Variants in ANO3 observed in about 807,000 individuals in gnomAD.
ANO3 encodes anoctamin-3.
Under a neutral mutation model 144.8 loss-of-function variants are expected in ANO3, and 99 were observed. The observed-to-expected ratio is 0.68, with a 90% CI of 0.58 to 0.81. ANO3 has a LOEUF of 0.81. Among genes scored for constraint, ANO3 ranks in the 30% least tolerant of loss-of-function variants. The pLI is 0.00. For synonymous variants in ANO3, 414 were observed against 392.6 expected (o/e 1.05, Z -0.64); for missense variants, 905 against 1,202.2 (o/e 0.75, Z 3.66).
chr11:26,425,158 T>C (rs185629389), intron 1 of ANO3, among the ~76,000 whole-genome samples: 58 of 152,132 alleles, frequency 3.8e-4, no homozygotes, highest in Admixed American at 3.2e-3. Flanking sequence ...CAATTCTTCC[T>C]TTCCCCTGTT....
Position 26,627,814 on chromosome 11 carries a change from AGTGTGTGTGT to A in ANO3, c.1873+3348_1873+3357del, listed in dbSNP as rs72002807. 1.3e-3 allele frequency among the ~76,000 whole-genome samples: 170 copies of A among 131,282 alleles called. 1 individual carries two copies. Among genetic ancestry groups the A allele is most frequent in the African/African-American group, 3.8e-3 (132 of 34,976 alleles). The allele number at this position is 131,282 out of a possible 152,430, so 86.1% of individuals were successfully genotyped here. On this transcript the variant is annotated intron_variant, in intron 18 of 26. Transcript: ENST00000256737. The stretch of plus-strand genomic sequence containing the variant: ...TAGTTTGATTAAAATAATAGAATCT[AGTGTGTGTGT>A]GTGTGTGTGTGTGTGTGTGTGTGTG...
At chr11:26,407,062 G>A (rs1311104440) in intron 1 of ANO3, among the ~76,000 whole-genome samples, 21 of 64,208 alleles carry the variant, frequency 3.3e-4, no homozygotes, top group Non-Finnish European at 7.3e-4. Context: ...GTGTGTGTGT[G>A]TGTGTGTGTG....
chr11:26,491,150 T>G lies in ANO3; in HGVS notation c.433-16954T>G, dbSNP rs1461984495. Among the ~76,000 whole-genome samples, 3 of 152,216 alleles carry G rather than the reference T, an allele frequency of 2.0e-5. No individual in the cohort carries two copies. The East Asian group carries it at 5.8e-4, about 29-fold the overall frequency. The stretch of plus-strand genomic sequence containing the variant: ...TATCTATTCTTGTACATTTTTCCCC[T>G]TCCTGTGTCTTACAAGGGTATTATG... On this transcript the variant is annotated intron_variant, in intron 4 of 26. Transcript: ENST00000256737.
intron 1 of ANO3, among the ~76,000 whole-genome samples, chr11:26,237,000 T>G (rs1360592288): frequency 6.6e-6 from 1 of 152,124 alleles, no homozygotes; most frequent in Admixed American, 6.5e-5. Flanking sequence ...TATTGAAGAC[T>G]ATCCTTTAGT....
chr11:26,396,359 A>T (rs1025932089), intron 1 of ANO3, among the ~76,000 whole-genome samples: 1 of 152,160 alleles, frequency 6.6e-6, no homozygotes, highest in East Asian at 1.9e-4. Context: ...AATTACTTCA[A>T]CCATTTACAC....
chr11:26,564,756 T>C (rs868204656), intron 14 of ANO3, among the ~76,000 whole-genome samples: 23 of 89,398 alleles, frequency 2.6e-4, no homozygotes, highest in Non-Finnish European at 4.3e-4. Flanking sequence ...TATATATATA[T>C]ATATATATAT....
intron 4 of ANO3, chr11:26,473,985 A>C: frequency 1.0e-6 from 1 of 985,180 alleles, no homozygotes; most frequent in Non-Finnish European, 1.2e-6. Context: ...AGTATGTAAC[A>C]TTCTAGTTAA....
At chr11:26,318,679 G>C (rs557021883) in intron 1 of ANO3, among the ~76,000 whole-genome samples, 14 of 152,246 alleles carry the variant, frequency 9.2e-5, no homozygotes, top group Admixed American at 7.8e-4. Flanking sequence ...ACATCAACTG[G>C]TCCTTGGAGA....
chr11:26,228,635 G>T (rs975233332), intron 1 of ANO3, among the ~76,000 whole-genome samples: 8 of 152,188 alleles, frequency 5.3e-5, no homozygotes, highest in African/African-American at 1.7e-4. Context: ...CCCAAAGTTA[G>T]CACCACAGAA....
At chr11:26,659,707 TAATAA>T (rs1414383885) in intron 26 of ANO3, among the ~76,000 whole-genome samples, 1 of 152,048 alleles carries the variant, frequency 6.6e-6, no homozygotes, top group African/African-American at 2.4e-5. Context: ...AAAGAAGTAA[TAATAA>T]AATAAAAGTA....
chr11:26,601,913 A>C (rs1232753606), intron 17 of ANO3, among the ~76,000 whole-genome samples: 1 of 152,214 alleles, frequency 6.6e-6, no homozygotes, highest in Non-Finnish European at 1.5e-5. Flanking sequence ...GTAGCTGGTC[A>C]TAGTTCTGCT....
chr11:26,420,349 T>G (rs565878155), intron 1 of ANO3, among the ~76,000 whole-genome samples: 1 of 152,108 alleles, frequency 6.6e-6, no homozygotes, highest in African/African-American at 2.4e-5. Context: ...TGAAGTTATA[T>G]ACCTGTATAT....
At position 26,402,435 on chromosome 11, in the gene ANO3, T is replaced by G. The variant is rs143054520; in HGVS notation, c.47-39483T>G. The stretch of plus-strand genomic sequence containing the variant: ...TATATATGATTGTTAACCCCATGTA[T>G]GTCTGCTTTTGAAAAGTGTCTGTTC... On this transcript the variant is annotated intron_variant, in intron 1 of 26. Coordinates refer to ENST00000256737, the MANE Select transcript of ANO3 (RefSeq NM_031418.4). 4.5e-4 allele frequency among the ~76,000 whole-genome samples: 68 copies of G among 152,200 alleles called. 1 individual carries two copies. The East Asian group carries it at 0.011, about 24-fold the overall frequency.
chr11:26,432,407 T>G (rs1168920707), intron 1 of ANO3, among the ~76,000 whole-genome samples: 1 of 152,186 alleles, frequency 6.6e-6, no homozygotes, highest in Non-Finnish European at 1.5e-5. Flanking sequence ...GAAGTTTAAT[T>G]ACATCCCATT....
rs1037897 is a variant in ANO3, at chr11:26,283,321, A to C, written c.155-26324A>C. On this transcript the variant is annotated intron_variant, in intron 1 of 27. Coordinates refer to the ANO3 transcript ENST00000672621. ...TCTTACCAAAATAAACAAATAAATA[A>C]ATATATATATATATATATATATATA... is the stretch of plus-strand genomic sequence containing the variant. 1.4e-3 allele frequency among the ~76,000 whole-genome samples: 68 copies of C among 49,138 alleles called. 2 individuals are homozygous for C. Among genetic ancestry groups the C allele is most frequent in the African/African-American group, 4.2e-3 (65 of 15,514 alleles). The allele number at this position is 49,138 out of a possible 152,430, so 32.2% of individuals were successfully genotyped here. A position where few individuals can be genotyped will look rare whatever the true frequency, so the allele number is the denominator to read the frequency against.
At chr11:26,413,657 T>C (rs971723265) in intron 1 of ANO3, among the ~76,000 whole-genome samples, 16 of 152,044 alleles carry the variant, frequency 1.1e-4, no homozygotes, top group African/African-American at 3.4e-4. Context: ...TAAACTTTAT[T>C]TATGTAATTC....
At chr11:26,451,709 G>C (rs531808446) in intron 3 of ANO3, among the ~76,000 whole-genome samples, 1 of 152,278 alleles carries the variant, frequency 6.6e-6, no homozygotes, top group African/African-American at 2.4e-5. Flanking sequence ...AAATGTTCCT[G>C]TCTGACAGAT....
chr11:26,323,211 G>C (rs1854802293), intron 1 of ANO3, among the ~76,000 whole-genome samples: 1 of 151,996 alleles, frequency 6.6e-6, no homozygotes, highest in Non-Finnish European at 1.5e-5. Context: ...AAGAACCCTG[G>C]GTCCTTTTAC....
At chr11:26,449,791 T>C (rs987814596) in intron 3 of ANO3, among the ~76,000 whole-genome samples, 1 of 151,996 alleles carries the variant, frequency 6.6e-6, no homozygotes, top group African/African-American at 2.4e-5. Flanking sequence ...TTTGCTGTTG[T>C]TGCCCAGGCT....
Sources: gnomAD v4.1 joint callset for allele counts (sites outside exome capture counted in the v4.1 genomes callset) on GRCh38, gnomAD v4.1.1 for gene constraint, MANE v1.5 for transcripts, NCBI Gene and HGNC (gene_info 2026-07-23, HGNC 2026-07-21) for gene names.